MYL12A: variants seen among roughly 807,000 people sequenced by gnomAD.
MYL12A encodes the protein myosin regulatory light chain 12A.
A neutral mutation model predicts 13.3 loss-of-function variants in MYL12A; 11 were observed. The ratio of observed to expected loss-of-function variants is 0.83; its 90% CI spans 0.52 to 1.37. MYL12A has a LOEUF of 1.37. Ranked by LOEUF, MYL12A falls within the 40% of genes most tolerant of loss-of-function variation. The pLI, the probability that MYL12A is intolerant of heterozygous loss-of-function variation, is 0.00. For missense variants in MYL12A, 146 were observed against 212.3 expected, an observed-to-expected ratio of 0.69 and a Z score of 1.94; for synonymous variants, 51 against 69.9, an observed-to-expected ratio of 0.73 and a Z score of 1.35.
At chr18:3,247,786 T>G (rs1252663401), upstream of MYL12A, 1 of 152,204 alleles carries the variant, frequency 6.6e-6, no homozygotes, top group African/African-American at 2.4e-5. Flanking sequence ...TGACCGGGCT[T>G]CCTTCCGGCT....
chr18:3,255,677 G>A, intron 3 of MYL12A, 69 bp from the exon 4 acceptor site: 1 of 1,518,654 alleles, frequency 6.6e-7, no homozygotes, highest in South Asian at 1.3e-5. Flanking sequence ...GCTTAGTCAA[G>A]TATAGATATT....
intron 1 of MYL12A, chr18:3,252,090 G>A (rs576137932): frequency 9.1e-5 from 39 of 430,628 alleles, no homozygotes; most frequent in Non-Finnish European, 1.3e-4. Context: ...GATCTAGGTG[G>A]TAGTTCATTC....
At chr18:3,250,698 C>A (rs2081476442) in intron 1 of MYL12A, among the ~76,000 whole-genome samples, 1 of 152,190 alleles carries the variant, frequency 6.6e-6, no homozygotes, top group Non-Finnish European at 1.5e-5. Flanking sequence ...ACAGCCGAAT[C>A]TCTTCATTCT....
In MYL12A at chr18:3,253,432, A is replaced by G. The variant is rs753972467; in HGVS notation, c.181+4A>G. 4.0e-5 allele frequency: 65 copies of G among 1,612,526 alleles called. No individual in the cohort carries two copies. In the East Asian group the frequency reaches 1.3e-3, roughly 32 times the overall value. Reference sequence around the variant, plus strand: ...CATGATATGCTTGCTTCATTGGGTAATGCTCAGTTTAAATATTAATCTATT... The same window carrying G: ...CATGATATGCTTGCTTCATTGGGTAGTGCTCAGTTTAAATATTAATCTATT... On this transcript the variant is annotated splice_donor_region_variant and intron_variant, in intron 2 of 3. Transcript: ENST00000217652.
In MYL12A at chr18:3,253,927, A is replaced by G; in HGVS notation, c.220A>G (p.Asn74Asp). The change falls in exon 3 of 4, where the codon AAT becomes GAT. Residue 74 changes from asparagine (N) to aspartate (D), a missense_variant. Physicochemically the swap from Asn to Asp is conservative, Grantham distance 23 (BLOSUM62 1). Coordinates refer to ENST00000217652, the MANE Select transcript of MYL12A (RefSeq NM_006471.4). ...TGATGAGTATCTAGATGCCATGATG[A>G]ATGAGGCTCCAGGCCCCATCAATTT... ...PTDEYLDAMM[N>D]EAPGPINFTM... 4.3e-6 allele frequency: 7 copies of G among 1,611,924 alleles called. No individual in the cohort carries two copies. The highest frequency in any genetic ancestry group is 5.9e-6 in the Non-Finnish European group (7 of 1,179,512).
rs763740425 is a variant in MYL12A, at chr18:3,252,285, G to A, written c.-15-948G>A. 1.3e-5 allele frequency: 20 copies of A among 1,510,298 alleles called. No individual in the cohort carries two copies. The Middle Eastern group carries it at 1.0e-3, about 76-fold the overall frequency. 93.6% of individuals were successfully genotyped at this position (1,510,298 alleles called of 1,614,324 possible). On this transcript the variant is annotated intron_variant, in intron 1 of 3. Coordinates refer to ENST00000217652, the MANE Select transcript of MYL12A (RefSeq NM_006471.4). The stretch of plus-strand genomic sequence containing the variant: ...CAGTGTCTTACTTTTGCTGCTGAGC[G>A]GTTTTGCAGACTACCATCTTCCCTG...
intron 1 of MYL12A, among the ~76,000 whole-genome samples, chr18:3,250,419 T>C (rs1021666917): frequency 2.0e-5 from 3 of 152,188 alleles, no homozygotes; most frequent in African/African-American, 4.8e-5. Flanking sequence ...CTTGAGATCA[T>C]AGCACTGTTC....
At chr18:3,251,066 A>G (rs547604460) in intron 1 of MYL12A, among the ~76,000 whole-genome samples, 157 of 152,200 alleles carry the variant, frequency 1.0e-3, no homozygotes, top group African/African-American at 3.7e-3. Context: ...AATTAACTTC[A>G]TAATAAAATT....
rs79676951 is a variant in MYL12A at position 3,253,247 on chromosome 18, C to T, written c.-1C>T. 6,180 of 1,612,340 alleles carry T rather than the reference C, an allele frequency of 3.8e-3. 183 individuals carry two copies. The African/African-American group carries it at 0.065, about 17-fold the overall frequency. On this transcript the variant is annotated 5_prime_UTR_variant, in exon 2 of 4. Coordinates refer to ENST00000217652, the MANE Select transcript of MYL12A (RefSeq NM_006471.4). Reference sequence around the variant, plus strand: ...TTCCTAATTAGGACTTAACCACCACCATGTCGAGCAAAAGAACAAAGACCA... The same window carrying T: ...TTCCTAATTAGGACTTAACCACCACTATGTCGAGCAAAAGAACAAAGACCA...
intron 1 of MYL12A, chr18:3,250,049 C>G (rs2081469454): frequency 7.3e-6 from 1 of 136,764 alleles, no homozygotes; most frequent in Admixed American, 8.6e-5. Flanking sequence ...TTATTTTACC[C>G]TAGCTTGCTT....
intron 3 of MYL12A, among the ~76,000 whole-genome samples, 154 bp downstream of exon 3, chr18:3,254,204 G>A (rs1297973947): frequency 6.6e-6 from 1 of 152,066 alleles, no homozygotes; most frequent in African/African-American, 2.4e-5. Context: ...CACTCACTTT[G>A]CTGCTTCTGC....
chr18:3,251,859 G>A (rs1261881998), intron 1 of MYL12A, among the ~76,000 whole-genome samples: 1 of 152,104 alleles, frequency 6.6e-6, no homozygotes, highest in East Asian at 1.9e-4. Context: ...TTGCCATACG[G>A]TGCTGTATTG....
rs367687218 is a variant in MYL12A at position 3,255,860 on chromosome 18, T to C, written c.458T>C (p.Phe153Ser). 4 of 1,614,032 alleles carry C rather than the reference T, an allele frequency of 2.5e-6. No homozygotes were observed. Among genetic ancestry groups the C allele is most frequent in the Non-Finnish European group, 3.4e-6 (4 of 1,180,026 alleles). ...GCACCTATTGATAAAAAGGGGAATT[T>C]CAATTACATCGAGTTCACACGCATC... Reference protein sequence around the residue: ...REAPIDKKGNFNYIEFTRILK... With the variant: ...REAPIDKKGNSNYIEFTRILK... Residue 153 changes from phenylalanine to serine, a missense_variant, in exon 4 of 4, where the codon TTC becomes TCC. Physicochemically the swap from Phe to Ser is radical, Grantham distance 155. Coordinates refer to ENST00000217652, the MANE Select transcript of MYL12A (RefSeq NM_006471.4).
At chr18:3,251,794 A>G (rs572220051) in intron 1 of MYL12A, among the ~76,000 whole-genome samples, 1 of 152,320 alleles carries the variant, frequency 6.6e-6, no homozygotes, top group South Asian at 2.1e-4. Context: ...GGAACAGCAT[A>G]TATATCATAA....
In MYL12A at chr18:3,247,835, C is replaced by G. The variant is rs1048561811; in HGVS notation, c.-90C>G. On this transcript the variant is annotated 5_prime_UTR_variant, in exon 1 of 4. Coordinates refer to ENST00000217652, the MANE Select transcript of MYL12A (RefSeq NM_006471.4). Reference sequence around the variant, plus strand: ...CCGGAAGCGGTGGTTTTTAGCGGCTCTCTGGGTAGCAGGGTGGTGTGATAG... The same window carrying G: ...CCGGAAGCGGTGGTTTTTAGCGGCTGTCTGGGTAGCAGGGTGGTGTGATAG... The G allele has an allele frequency of 1.3e-5, 2 of 152,182 alleles. No homozygotes were observed. Among genetic ancestry groups the G allele is most frequent in the African/African-American group, 2.4e-5 (1 of 41,446 alleles). 9.4% of individuals were successfully genotyped at this position (152,182 alleles called of 1,614,324 possible).
At position 3,252,280 on chromosome 18, in the gene MYL12A, T is replaced by C. The variant is rs2081493722; in HGVS notation, c.-15-953T>C. On this transcript the variant is annotated intron_variant, in intron 1 of 3. Transcript: ENST00000217652. Reference sequence around the variant, plus strand: ...CAATGCAGTGTCTTACTTTTGCTGCTGAGCGGTTTTGCAGACTACCATCTT... The same window carrying C: ...CAATGCAGTGTCTTACTTTTGCTGCCGAGCGGTTTTGCAGACTACCATCTT... 2.0e-6 allele frequency: 3 copies of C among 1,498,738 alleles called. No individual in the cohort carries two copies. In the East Asian group the frequency reaches 7.4e-5, roughly 37 times the overall value. The allele number at this position is 1,498,738 out of a possible 1,614,324, so 92.8% of individuals were successfully genotyped here.
intron 1 of MYL12A, 106 bp from the exon 2 acceptor site, chr18:3,253,127 A>G (rs1163393849): frequency 8.1e-7 from 1 of 1,240,556 alleles, no homozygotes; most frequent in Non-Finnish European, 1.1e-6. Flanking sequence ...GCTCAAACAT[A>G]TCAGGAAAGT....
chr18:3,256,091 T>G lies in MYL12A; in HGVS notation c.*173T>G. ...CTGGAAACGGGACTTTCTATTAATA[T>G]CATTTTCAGAATAAAAAATAGGATA... On this transcript the variant is annotated 3_prime_UTR_variant, in exon 4 of 4. Coordinates refer to ENST00000217652, the MANE Select transcript of MYL12A (RefSeq NM_006471.4). The G allele has an allele frequency of 1.3e-6, 1 of 784,682 alleles. No individual in the cohort carries two copies. The highest frequency in any genetic ancestry group is 3.1e-5 in the Admixed American group (1 of 32,288). The allele number at this position is 784,682 out of a possible 1,614,324, so 48.6% of individuals were successfully genotyped here.
chr18:3,251,062 C>G (rs1181405296), intron 1 of MYL12A, among the ~76,000 whole-genome samples: 1 of 150,844 alleles, frequency 6.6e-6, no homozygotes, highest in Non-Finnish European at 1.5e-5. Context: ...GTTTAATTAA[C>G]TTCATAATAA....
Sources: allele counts gnomAD v4.1 joint callset (sites outside exome capture counted in the v4.1 genomes callset), GRCh38; gene constraint gnomAD v4.1.1; transcripts MANE v1.5; gene names NCBI Gene and HGNC (gene_info 2026-07-23, HGNC 2026-07-21).